The following RBMS2 variants were observed in gnomAD, a reference collection of about 807,000 sequenced individuals.
RBMS2 encodes RNA binding motif single stranded interacting protein 2.
Under a neutral mutation model 58.4 loss-of-function variants are expected in RBMS2, and 38 were observed. That is an observed-to-expected ratio of 0.65 (90% CI 0.50 to 0.85). The LOEUF is 0.85. Among genes scored for constraint, RBMS2 ranks in the 40% least tolerant of loss-of-function variants. RBMS2 has a pLI of 0.00. For synonymous variants in RBMS2, 151 were observed against 180.7 expected (o/e 0.84, Z 1.32); for missense variants, 367 against 503.7 (o/e 0.73, Z 2.60).
intron 9 of RBMS2, among the ~76,000 whole-genome samples, chr12:56,585,978 T>C (rs1277483157): frequency 6.6e-6 from 1 of 150,426 alleles, no homozygotes; most frequent in Non-Finnish European, 1.5e-5. Flanking sequence ...AGCTGAGGAG[T>C]TCAAGACTAG....
intron 1 of RBMS2, among the ~76,000 whole-genome samples, chr12:56,522,647 G>A (rs963061351): frequency 1.3e-5 from 2 of 152,098 alleles, no homozygotes; most frequent in Non-Finnish European, 2.9e-5. Flanking sequence ...GAGAGACATC[G>A]CACCTTGGGA....
intron 1 of RBMS2, among the ~76,000 whole-genome samples, chr12:56,541,045 G>A (rs964697034): frequency 2.3e-4 from 34 of 147,894 alleles, no homozygotes; most frequent in African/African-American, 6.0e-4. Flanking sequence ...GGGCTACAGC[G>A]AACCATGATT....
intron 1 of RBMS2, among the ~76,000 whole-genome samples, chr12:56,546,076 C>A (rs1877119506): frequency 6.6e-6 from 1 of 150,840 alleles, no homozygotes; most frequent in African/African-American, 2.4e-5. Flanking sequence ...GTTGGGATTA[C>A]AGGCATGCAC....
In RBMS2 at chr12:56,591,147, A is replaced by G. The variant is rs1442310282; in HGVS notation, c.*2014A>G. ...GGAGAATTTGACTCCCTTGCACTTC[A>G]AGGCCAGGTGCCTCTCCACTAGACA... On this transcript the variant is annotated 3_prime_UTR_variant, in exon 14 of 14. Transcript: ENST00000262031. The G allele has an allele frequency of 1.3e-5, 2 of 152,170 alleles. No homozygotes were observed. Among genetic ancestry groups the G allele is most frequent in the Admixed American group, 1.3e-4 (2 of 15,274 alleles). 9.4% of individuals were successfully genotyped at this position (152,170 alleles called of 1,614,324 possible). A position where few individuals can be genotyped will look rare whatever the true frequency, so the allele number is the denominator to read the frequency against.
intron 1 of RBMS2, among the ~76,000 whole-genome samples, chr12:56,527,253 G>A (rs997923733): frequency 9.2e-5 from 14 of 152,134 alleles, no homozygotes; most frequent in South Asian, 2.1e-4. Flanking sequence ...AGAACTTGTC[G>A]GTCTAACATC....
At chr12:56,528,874 G>A (rs960265153) in intron 1 of RBMS2, among the ~76,000 whole-genome samples, 6 of 151,520 alleles carry the variant, frequency 4.0e-5, no homozygotes, top group African/African-American at 1.5e-4. Flanking sequence ...TCAAGGCTGC[G>A]GTTGATTGCC....
Position 56,562,707 on chromosome 12 carries a change from T to C in RBMS2, c.233+124T>C, listed in dbSNP as rs571480507. The C allele has an allele frequency of 2.8e-5, 31 of 1,095,300 alleles. No homozygotes were observed. The African/African-American group carries it at 3.9e-4, about 14-fold the overall frequency. The allele number at this position is 1,095,300 out of a possible 1,614,324, so 67.8% of individuals were successfully genotyped here. The stretch of plus-strand genomic sequence containing the variant: ...GGCTCAAGTGATCCTCCTGTCTCAG[T>C]AGCTGGGATTACAGATGCATGCCAC... On this transcript the variant is annotated intron_variant, in intron 2 of 13. Transcript: ENST00000262031.
chr12:56,582,741 T>C (rs534634587), intron 9 of RBMS2, among the ~76,000 whole-genome samples: 17 of 152,348 alleles, frequency 1.1e-4, no homozygotes, highest in African/African-American at 3.6e-4. Context: ...CAATCTCGGC[T>C]CACTGCAATC....
intron 1 of RBMS2, among the ~76,000 whole-genome samples, chr12:56,525,985 G>C (rs1022709724): frequency 2.0e-5 from 3 of 151,822 alleles, no homozygotes; most frequent in Admixed American, 2.0e-4. Context: ...TTATATAAAA[G>C]TTACTGTTTC....
At chr12:56,523,634 C>T (rs902197015) in intron 1 of RBMS2, among the ~76,000 whole-genome samples, 2 of 152,106 alleles carry the variant, frequency 1.3e-5, no homozygotes, top group Non-Finnish European at 2.9e-5. Context: ...GTGGCACGCG[C>T]CTGTAATCCC....
intron 12 of RBMS2, 50 bp downstream of exon 12, chr12:56,588,424 G>A: frequency 1.3e-6 from 2 of 1,507,832 alleles, no homozygotes; most frequent in Non-Finnish European, 9.2e-7. Flanking sequence ...ATGAACGGAG[G>A]CAGGTTTCCC....
intron 1 of RBMS2, among the ~76,000 whole-genome samples, chr12:56,530,410 G>T (rs534760342): frequency 5.4e-5 from 7 of 130,364 alleles, no homozygotes; most frequent in Admixed American, 2.9e-4. Context: ...GCCCAGGCTG[G>T]AACACAGTGG....
At chr12:56,529,333 G>T (rs936120499) in intron 1 of RBMS2, among the ~76,000 whole-genome samples, 5 of 152,124 alleles carry the variant, frequency 3.3e-5, no homozygotes, top group African/African-American at 7.2e-5. Context: ...CAGGTGGATT[G>T]CTGGAGCCCA....
At chr12:56,553,238 G>A (rs114479891) in intron 1 of RBMS2, among the ~76,000 whole-genome samples, 183 of 151,282 alleles carry the variant, frequency 1.2e-3, no homozygotes, top group African/African-American at 3.9e-3. Context: ...TTGAGACAGA[G>A]TATCACTCTA....
chr12:56,584,131 A>G lies in RBMS2; in HGVS notation c.873+1979A>G, dbSNP rs150449279. ...AGTGTGGGAATCACTAGTTTTTGCC[A>G]TATAAAAGTTTAAAATTTGGCCAGG... On this transcript the variant is annotated intron_variant, in intron 9 of 13. Transcript: ENST00000262031. 5.7e-3 allele frequency among the ~76,000 whole-genome samples: 870 copies of G among 152,252 alleles called. 10 individuals are homozygous for G. Among genetic ancestry groups the G allele is most frequent in the African/African-American group, 0.02 (811 of 41,556 alleles).
Position 56,593,423 on chromosome 12 carries a change from AG to A in RBMS2, c.*4292del. On this transcript the variant is annotated 3_prime_UTR_variant, in exon 14 of 14. Transcript: ENST00000262031. ...TAATTTTTGTATTTTTAATAGAGAC[AG>A]GTTTTCGCCATGTTGCCCAGCCTCG... 1 of 152,178 alleles carries A rather than the reference AG, an allele frequency of 6.6e-6. No homozygotes were observed. The highest frequency in any genetic ancestry group is 1.9e-4 in the East Asian group (1 of 5,132). 9.4% of individuals were successfully genotyped at this position (152,178 alleles called of 1,614,324 possible). A position where few individuals can be genotyped will look rare whatever the true frequency, so the allele number is the denominator to read the frequency against.
rs972856740 is a variant in RBMS2, at chr12:56,595,400, A to G, written c.*6267A>G. Reference sequence around the variant, plus strand: ...ATGTGGACAGAAAATGTTTATACTTAAACAGACATATTTTGCATATTTTTA... The same window carrying G: ...ATGTGGACAGAAAATGTTTATACTTGAACAGACATATTTTGCATATTTTTA... On this transcript the variant is annotated 3_prime_UTR_variant, in exon 14 of 14. Coordinates refer to ENST00000262031, the MANE Select transcript of RBMS2 (RefSeq NM_002898.4). 1.3e-5 allele frequency: 2 copies of G among 152,034 alleles called. No individual in the cohort carries two copies. Among genetic ancestry groups the G allele is most frequent in the Non-Finnish European group, 2.9e-5 (2 of 67,934 alleles). 9.4% of individuals were successfully genotyped at this position (152,034 alleles called of 1,614,324 possible).
chr12:56,545,361 G>A (rs1372448153), intron 1 of RBMS2, among the ~76,000 whole-genome samples: 1 of 152,120 alleles, frequency 6.6e-6, no homozygotes, highest in Non-Finnish European at 1.5e-5. Flanking sequence ...TGCAAATTGT[G>A]CTGCTATAAA....
rs1885561250 is a variant in RBMS2 at position 56,594,523 on chromosome 12, C to T, written c.*5390C>T. The T allele has an allele frequency of 6.6e-6, 1 of 152,210 alleles. No individual in the cohort carries two copies. The highest frequency in any genetic ancestry group is 1.5e-5 in the Non-Finnish European group (1 of 68,044). 9.4% of individuals were successfully genotyped at this position (152,210 alleles called of 1,614,324 possible). On this transcript the variant is annotated 3_prime_UTR_variant, in exon 14 of 14. Coordinates refer to ENST00000262031, the MANE Select transcript of RBMS2 (RefSeq NM_002898.4). ...CTGATTCCCGTTTAAACCAACTACTCTATTTCTGTGCTGCCTACATTTTCA... is the reference window on the plus strand; with the variant it reads ...CTGATTCCCGTTTAAACCAACTACTTTATTTCTGTGCTGCCTACATTTTCA...
Sources: allele counts gnomAD v4.1 joint callset (sites outside exome capture counted in the v4.1 genomes callset), GRCh38; gene constraint gnomAD v4.1.1; transcripts MANE v1.5; gene names NCBI Gene and HGNC (gene_info 2026-07-23, HGNC 2026-07-21).